The following ESPNL variants were observed in gnomAD, a reference collection of about 807,000 sequenced individuals.
ESPNL encodes espin like, also known as espin-like protein.
A neutral mutation model predicts 46.8 loss-of-function variants in ESPNL; 49 were observed. That is an observed-to-expected ratio of 1.05 (90% CI 0.83 to 1.33). The LOEUF (loss-of-function observed/expected upper bound fraction) is 1.33. Among genes scored for constraint, ESPNL ranks in the 40% most tolerant of loss-of-function variants. ESPNL has a pLI of 0.00. For synonymous variants in ESPNL, 664 were observed against 662.1 expected (o/e 1.00, Z -0.04); for missense variants, 1,540 against 1,436.6 (o/e 1.07, Z -1.16).
chr2:238,131,038 GC>G lies in ESPNL; in HGVS notation c.2326del (p.Gln776ArgfsTer51). Reference protein sequence around the residue: ...TLGARHAGLRGQEAARSPGPP... With the variant: ...TLGARHAGLRXQEAARSPGPP... ...GGAGCCCGCCACGCGGGGTTGCGGG[GC>G]CAGGAGGCCGCCAGGAGCCCTGGGC... On this transcript the variant is annotated frameshift_variant, in exon 9 of 9. Transcript: ENST00000343063. LOFTEE classifies it low-confidence loss of function (END_TRUNC). The G allele has an allele frequency of 6.5e-7, 1 of 1,538,316 alleles. No individual in the cohort carries two copies. Among genetic ancestry groups the G allele is most frequent in the Non-Finnish European group, 8.7e-7 (1 of 1,143,302 alleles).
In ESPNL at chr2:238,131,144, C is replaced by G. The variant is rs1174924384; in HGVS notation, c.2430C>G (p.Asn810Lys). ...QRSTITHLLG[N>K]WKAIMAHVPA... ...GCACCATCACCCACCTGCTGGGCAA[C>G]TGGAAGGCCATCATGGCTCACGTGC... Residue 810 changes from asparagine (N) to lysine (K), a missense_variant, in exon 9 of 9, where the codon AAC becomes AAG. Transcript: ENST00000343063. 1.3e-6 allele frequency: 2 copies of G among 1,546,306 alleles called. No individual in the cohort carries two copies. The highest frequency in any genetic ancestry group is 1.7e-6 in the Non-Finnish European group (2 of 1,147,104).
Position 238,102,122 on chromosome 2 carries a change from C to A in ESPNL, c.476C>A (p.Ala159Glu), listed in dbSNP as rs927822017. ...ACCTGCCTCAAGCTCCTGACAGCCG[C>A]GCATGGCAGGTAAGGAGCCCAAAGT... Reference protein sequence around the residue: ...DLTCLKLLTAAHGSSVNRRTR... With the variant: ...DLTCLKLLTAEHGSSVNRRTR... The change falls in exon 2 of 9, where the codon GCG becomes GAG. Residue 159 changes from alanine (A) to glutamate (E), a missense_variant. Ala to Glu is a moderately radical substitution (Grantham distance 107). Transcript: ENST00000343063. 1.3e-6 allele frequency: 2 copies of A among 1,544,366 alleles called. No individual in the cohort carries two copies. The highest frequency in any genetic ancestry group is 1.4e-5 in the African/African-American group (1 of 73,100).
intron 5 of ESPNL, among the ~76,000 whole-genome samples, chr2:238,121,303 G>A (rs1282626853): frequency 1.3e-5 from 2 of 152,216 alleles, no homozygotes; most frequent in Non-Finnish European, 2.9e-5. Flanking sequence ...AGAGCCTCTG[G>A]CATCTCCCAT....
intron 4 of ESPNL, among the ~76,000 whole-genome samples, chr2:238,113,578 C>T (rs774438035): frequency 1.8e-4 from 28 of 152,154 alleles, no homozygotes; most frequent in Non-Finnish European, 3.1e-4. Context: ...AAAAATGAAG[C>T]GTAGGCATAA....
At position 238,125,403 on chromosome 2, in the gene ESPNL, G is replaced by A. The variant is rs781392244; in HGVS notation, c.1102+19G>A. The A allele has an allele frequency of 2.3e-5, 32 of 1,419,010 alleles. No individual in the cohort carries two copies. The African/African-American group carries it at 2.8e-4, about 12-fold the overall frequency. 87.9% of individuals were successfully genotyped at this position (1,419,010 alleles called of 1,614,324 possible). ...CCCAGCCGTGAGTGCACAGCCCCAA[G>A]TGGGCCACCCAGGGCATGGGCCTGG... On this transcript the variant is annotated intron_variant, in intron 6 of 8. Transcript: ENST00000343063.
intron 5 of ESPNL, among the ~76,000 whole-genome samples, chr2:238,119,559 G>A (rs1048168723): frequency 1.6e-5 from 2 of 122,358 alleles, no homozygotes; most frequent in African/African-American, 7.1e-5. Flanking sequence ...GTGGATGAAG[G>A]AGGAATGGAT....
At position 238,131,759 on chromosome 2, in the gene ESPNL, TGTGGTTTGGGG is replaced by T; in HGVS notation, c.*31_*41del. The T allele has an allele frequency of 6.4e-7, 1 of 1,555,662 alleles. No individual in the cohort carries two copies. The highest frequency in any genetic ancestry group is 8.7e-7 in the Non-Finnish European group (1 of 1,146,758). ...CCTACTGGCAGCCTGCTTTCCAGAATGTGGTTTGGGGGTGACTTGGAGTTTCTCTTTTCTTT... is the reference window on the plus strand; with the variant it reads ...CCTACTGGCAGCCTGCTTTCCAGAATGTGACTTGGAGTTTCTCTTTTCTTT... On this transcript the variant is annotated 3_prime_UTR_variant, in exon 9 of 9. Coordinates refer to ENST00000343063, the MANE Select transcript of ESPNL (RefSeq NM_194312.4).
chr2:238,122,047 G>A (rs1466016971), intron 5 of ESPNL, among the ~76,000 whole-genome samples: 9 of 152,368 alleles, frequency 5.9e-5, no homozygotes, highest in Admixed American at 4.6e-4. Context: ...TGCAGCCTCC[G>A]CGGTGCTCAA....
intron 1 of ESPNL, 21 bp from the exon 2 acceptor site, chr2:238,101,920 G>C (rs1338324274): frequency 1.1e-5 from 18 of 1,592,078 alleles, no homozygotes; most frequent in East Asian, 4.5e-5. Flanking sequence ...CCCACTCACT[G>C]ACCTACCCGG....
At chr2:238,125,416 G>A (rs778299380) in intron 6 of ESPNL, 32 bp downstream of exon 6, 7 of 1,339,588 alleles carry the variant, frequency 5.2e-6, no homozygotes, top group Non-Finnish European at 6.0e-6. Flanking sequence ...GGCCACCCAG[G>A]GCATGGGCCT....
chr2:238,122,149 G>A (rs748903888), intron 5 of ESPNL, among the ~76,000 whole-genome samples: 3 of 152,376 alleles, frequency 2.0e-5, no homozygotes, highest in Middle Eastern at 3.4e-3. Context: ...GCTGGGATTC[G>A]GGGCAGCACA....
At chr2:238,117,908 T>TGGGTGGAAGAGGAATGGATGAAGAA in intron 5 of ESPNL, among the ~76,000 whole-genome samples, 1 of 150,474 alleles carries the variant, frequency 6.6e-6, no homozygotes, top group East Asian at 2.0e-4. Context: ...AGAGGAGAGA[T>TGGGTGGAAGAGGAATGGATGAAGAA]GGGTGGAAGA....
At chr2:238,109,099 C>T (rs894291842) in intron 4 of ESPNL, among the ~76,000 whole-genome samples, 4 of 152,180 alleles carry the variant, frequency 2.6e-5, no homozygotes, top group African/African-American at 9.7e-5. Flanking sequence ...GAGGGGTGAC[C>T]CGCAGGCCCT....
rs1287584356 is a variant in ESPNL at position 238,131,779 on chromosome 2, G to C, written c.*47G>C. On this transcript the variant is annotated 3_prime_UTR_variant, in exon 9 of 9. Transcript: ENST00000343063. Reference sequence around the variant, plus strand: ...CAGAATGTGGTTTGGGGGTGACTTGGAGTTTCTCTTTTCTTTTCCTTGCTC... The same window carrying C: ...CAGAATGTGGTTTGGGGGTGACTTGCAGTTTCTCTTTTCTTTTCCTTGCTC... The C allele has an allele frequency of 2.0e-6, 3 of 1,530,484 alleles. No individual in the cohort carries two copies. The highest frequency in any genetic ancestry group is 1.4e-5 in the African/African-American group (1 of 72,496). The allele number at this position is 1,530,484 out of a possible 1,614,324, so 94.8% of individuals were successfully genotyped here.
chr2:238,125,435 G>T (rs772978318), intron 6 of ESPNL, 51 bp downstream of exon 6: 12 of 1,145,716 alleles, frequency 1.0e-5, no homozygotes, highest in African/African-American at 9.7e-5. Flanking sequence ...CTGGGAGAGG[G>T]TGCCACTGGC....
chr2:238,128,904 G>A lies in ESPNL; in HGVS notation c.1413G>A (p.Gln471=). 1 of 1,537,426 alleles carries A rather than the reference G, an allele frequency of 6.5e-7. No homozygotes were observed. Among genetic ancestry groups the A allele is most frequent in the Non-Finnish European group, 8.7e-7 (1 of 1,143,728 alleles). The part of the protein sequence containing the change: ...RLGAESSAEA[Q]DNGGSSGPTE... The stretch of plus-strand genomic sequence containing the variant: ...GCGCAGAGAGCTCCGCAGAGGCCCA[G>A]GTAGGCCCCCGGCAGGGGCGGGACC... The change falls in exon 8 of 9, where the codon CAG becomes CAA. Residue 471 remains glutamine, a splice_region_variant and synonymous_variant. Transcript: ENST00000343063.
At chr2:238,112,095 A>T (rs1691727626) in intron 4 of ESPNL, among the ~76,000 whole-genome samples, 1 of 151,790 alleles carries the variant, frequency 6.6e-6, no homozygotes, top group Non-Finnish European at 1.5e-5. Flanking sequence ...TTTTTCTTTA[A>T]AGGTTTTGTG....
chr2:238,108,986 T>A (rs952225022), intron 4 of ESPNL, among the ~76,000 whole-genome samples: 1 of 152,142 alleles, frequency 6.6e-6, no homozygotes, highest in Non-Finnish European at 1.5e-5. Flanking sequence ...GCCCCCCAGC[T>A]ACCGCCCTTC....
In ESPNL at chr2:238,100,729, G is replaced by C; in HGVS notation, c.294+16G>C. On this transcript the variant is annotated intron_variant, in intron 1 of 8. Coordinates refer to ENST00000343063, the MANE Select transcript of ESPNL (RefSeq NM_194312.4). The stretch of plus-strand genomic sequence containing the variant: ...CGGTCTGCAGGTGAGCGGGGATGGG[G>C]CAGCCTGGCTCCACGAAGCTGGCTG... The C allele has an allele frequency of 7.1e-7, 1 of 1,407,598 alleles. No homozygotes were observed. Among genetic ancestry groups the C allele is most frequent in the East Asian group, 2.9e-5 (1 of 34,914 alleles). 87.2% of individuals were successfully genotyped at this position (1,407,598 alleles called of 1,614,324 possible).
Sources: gnomAD v4.1 joint callset for allele counts (sites outside exome capture counted in the v4.1 genomes callset) on GRCh38, gnomAD v4.1.1 for gene constraint, MANE v1.5 for transcripts, NCBI Gene and HGNC (gene_info 2026-07-23, HGNC 2026-07-21) for gene names.